The following ZNF10 variants were observed in gnomAD, a reference collection of about 807,000 sequenced individuals.
ZNF10 encodes the protein zinc finger protein 10, also known as zinc finger protein 10 (KOX 1).
ZNF10 carries 8 observed loss-of-function variants against 12.2 expected under a neutral mutation model. The ratio of observed to expected loss-of-function variants is 0.66; its 90% CI spans 0.39 to 1.18. ZNF10 has a LOEUF of 1.18. Among genes scored for constraint, ZNF10 ranks in the 50% most tolerant of loss-of-function variants. ZNF10 has a pLI of 0.01. For synonymous variants in ZNF10, 229 were observed against 228.2 expected (o/e 1.00, Z -0.03); for missense variants, 603 against 678.9 (o/e 0.89, Z 1.24).
In ZNF10 at chr12:133,151,108, G is replaced by T. The variant is rs769988898; in HGVS notation, c.114G>T (p.Val38=). ...TGCTGGACACTGCTCAGCAGATCGT[G>T]TACAGAAATGTGATGCTGGAGAACT... The part of the protein sequence containing the change: ...WKLLDTAQQI[V]YRNVMLENYK... Residue 38 remains valine, a synonymous_variant, in exon 3 of 5, where the codon GTG becomes GTT. Transcript: ENST00000248211. 5.6e-6 allele frequency: 9 copies of T among 1,613,670 alleles called. No individual in the cohort carries two copies. The East Asian group carries it at 6.7e-5, about 12-fold the overall frequency.
chr12:133,146,616 C>T (rs185795455), intron 2 of ZNF10, among the ~76,000 whole-genome samples: 97 of 152,150 alleles, frequency 6.4e-4, no homozygotes, highest in African/African-American at 2.3e-3. Flanking sequence ...GAGGCGGAGG[C>T]GGGTGGATCA....
Position 133,156,485 on chromosome 12 carries a change from T to G in ZNF10, c.1239T>G (p.Ser413=). Residue 413 remains serine, a synonymous_variant, in exon 5 of 5, where the codon TCT becomes TCG. Transcript: ENST00000248211. Reference sequence around the variant, plus strand: ...ATGAATGCAATGAATGTGGAAAGTCTTACAGCCAGAGATCTCACCTTGTTG... The same window carrying G: ...ATGAATGCAATGAATGTGGAAAGTCGTACAGCCAGAGATCTCACCTTGTTG... ...RPYECNECGK[S]YSQRSHLVVH... The G allele has an allele frequency of 6.2e-7, 1 of 1,613,986 alleles. No individual in the cohort carries two copies. The highest frequency in any genetic ancestry group is 1.3e-5 in the African/African-American group (1 of 75,044).
At chr12:133,144,771 CAG>C (rs1175498533) in intron 2 of ZNF10, 1 of 495,846 alleles carries the variant, frequency 2.0e-6, no homozygotes, top group East Asian at 4.0e-5. Context: ...GAAAATATGA[CAG>C]AATGGAATGA....
intron 4 of ZNF10, among the ~76,000 whole-genome samples, chr12:133,153,572 AT>A (rs1956021138): frequency 6.6e-6 from 1 of 152,102 alleles, no homozygotes; most frequent in Non-Finnish European, 1.5e-5. Flanking sequence ...AGGGTGGTGT[AT>A]TTCCTATTAA....
chr12:133,151,724 T>G, intron 3 of ZNF10, 85 bp from the exon 4 acceptor site: 1 of 973,566 alleles, frequency 1.0e-6, no homozygotes, highest in Non-Finnish European at 1.6e-6. Flanking sequence ...GGGTTGGTGG[T>G]CAGGTTGAAT....
intron 1 of ZNF10, among the ~76,000 whole-genome samples, chr12:133,136,696 T>A (rs1159378604): frequency 2.6e-5 from 4 of 152,216 alleles, no homozygotes; most frequent in Non-Finnish European, 5.9e-5. Flanking sequence ...ACAGGGTTGT[T>A]GATAGGAACA....
At chr12:133,145,510 C>T (rs190200586) in intron 2 of ZNF10, among the ~76,000 whole-genome samples, 1 of 152,090 alleles carries the variant, frequency 6.6e-6, no homozygotes, top group Non-Finnish European at 1.5e-5. Flanking sequence ...TTATCCAATC[C>T]AAAATTTAAG....
chr12:133,147,782 A>AT (rs767587711), intron 2 of ZNF10, among the ~76,000 whole-genome samples: 526 of 135,376 alleles, frequency 3.9e-3, no homozygotes, highest in African/African-American at 9.1e-3. Flanking sequence ...TGCCTGGCTA[A>AT]TTTTTTTTTT....
At chr12:133,149,709 T>G (rs539756354) in intron 2 of ZNF10, among the ~76,000 whole-genome samples, 1 of 152,132 alleles carries the variant, frequency 6.6e-6, no homozygotes, top group East Asian at 1.9e-4. Flanking sequence ...ATTGTTATGT[T>G]TAGACCATTT....
chr12:133,157,150 C>A lies in ZNF10; in HGVS notation c.*182C>A. On this transcript the variant is annotated 3_prime_UTR_variant, in exon 5 of 5. Coordinates refer to ENST00000248211, the MANE Select transcript of ZNF10 (RefSeq NM_015394.5). ...ACAGATTTTATTTCAGTACACAAAT[C>A]CATCAGATTTTCTTCTTTTCATGAA... 2.0e-6 allele frequency: 1 copy of A among 496,962 alleles called. No individual in the cohort carries two copies. Among genetic ancestry groups the A allele is most frequent in the Non-Finnish European group, 3.1e-6 (1 of 318,716 alleles). The allele number at this position is 496,962 out of a possible 1,614,324, so 30.8% of individuals were successfully genotyped here.
intron 1 of ZNF10, among the ~76,000 whole-genome samples, chr12:133,136,571 T>A: frequency 6.6e-6 from 1 of 152,214 alleles, no homozygotes; most frequent in Non-Finnish European, 1.5e-5. Flanking sequence ...TCCTACCGTT[T>A]ATTTTACTCT....
chr12:133,150,080 A>C (rs759497352), intron 2 of ZNF10, among the ~76,000 whole-genome samples: 1 of 152,134 alleles, frequency 6.6e-6, no homozygotes, highest in African/African-American at 2.4e-5. Flanking sequence ...CTTTCTTTCA[A>C]CTGTTCTGTA....
chr12:133,156,702 G>C lies in ZNF10; in HGVS notation c.1456G>C (p.Glu486Gln). Residue 486 changes from glutamate to glutamine, a missense_variant, in exon 5 of 5, where the codon GAG becomes CAG. This residue lies in a region of ZNF10 where 204 missense variants were observed against 262.8 expected (regional missense o/e 0.78). Transcript: ENST00000248211. ...TGTGCATCAGAGGATACACACTGGA[G>C]AGAAACCATATGAATGCTGTCAGTG... ...LIVHQRIHTG[E>Q]KPYECCQCGK... 1 of 1,613,862 alleles carries C rather than the reference G, an allele frequency of 6.2e-7. No individual in the cohort carries two copies. Among genetic ancestry groups the C allele is most frequent in the Non-Finnish European group, 8.5e-7 (1 of 1,179,920 alleles).
In ZNF10 at chr12:133,158,235, A is replaced by G. The variant is rs1480796336; in HGVS notation, c.*1267A>G. 6.6e-6 allele frequency: 1 copy of G among 152,188 alleles called. No individual in the cohort carries two copies. The highest frequency in any genetic ancestry group is 2.4e-5 in the African/African-American group (1 of 41,436). The allele number at this position is 152,188 out of a possible 1,614,324, so 9.4% of individuals were successfully genotyped here. A position where few individuals can be genotyped will look rare whatever the true frequency, so the allele number is the denominator to read the frequency against. On this transcript the variant is annotated 3_prime_UTR_variant, in exon 5 of 5. Coordinates refer to ENST00000248211, the MANE Select transcript of ZNF10 (RefSeq NM_015394.5). ...TGGAAACAGCTTAGAATAGTGCCTGACATATATTATGTTCTCTGTAGTTAC... is the reference window on the plus strand; with the variant it reads ...TGGAAACAGCTTAGAATAGTGCCTGGCATATATTATGTTCTCTGTAGTTAC...
rs374455901 is a variant in ZNF10 at position 133,144,713 on chromosome 12, A to G, written c.33+188A>G. Among the ~76,000 whole-genome samples the G allele has an allele frequency of 1.1e-4, 17 of 152,298 alleles. No homozygotes were observed. The East Asian group carries it at 1.2e-3, about 10-fold the overall frequency. ...TGGTCTTTCCCTCTCTTCTTTTATT[A>G]TAGAAATTTTCAAATATATACAAAA... On this transcript the variant is annotated intron_variant, in intron 2 of 4. Transcript: ENST00000248211.
Position 133,157,017 on chromosome 12 carries a change from A to C in ZNF10, c.*49A>C, listed in dbSNP as rs1956047137. The C allele has an allele frequency of 1.4e-6, 2 of 1,379,580 alleles. No homozygotes were observed. Among genetic ancestry groups the C allele is most frequent in the African/African-American group, 3.0e-5 (2 of 67,744 alleles). The allele number at this position is 1,379,580 out of a possible 1,614,324, so 85.5% of individuals were successfully genotyped here. A position where few individuals can be genotyped will look rare whatever the true frequency, so the allele number is the denominator to read the frequency against. On this transcript the variant is annotated 3_prime_UTR_variant, in exon 5 of 5. Transcript: ENST00000248211. ...GAGCAATGACTTTATTTTGCATTGG[A>C]GAACTCCTGGAGATAAGCTGTACAA...
rs776935778 is a variant in ZNF10 at position 133,155,623 on chromosome 12, TAGA to T, written c.383_385del (p.Glu128del). On this transcript the variant is annotated inframe_deletion, in exon 5 of 5. Coordinates refer to ENST00000248211, the MANE Select transcript of ZNF10 (RefSeq NM_015394.5). ...AGGAATGATCTCTGGTATTTGTCAT[TAGA>T]AGAAGTCTGGAAATGTAGAGACCAG... The T allele has an allele frequency of 1.9e-6, 3 of 1,614,062 alleles. No homozygotes were observed. The highest frequency in any genetic ancestry group is 2.5e-6 in the Non-Finnish European group (3 of 1,179,984).
chr12:133,134,144 CAA>C (rs35470467), intron 1 of ZNF10, among the ~76,000 whole-genome samples: 53 of 68,022 alleles, frequency 7.8e-4, no homozygotes, highest in African/African-American at 1.7e-3. Context: ...ACTAAAAATA[CAA>C]AAAAAAAAAA....
chr12:133,153,937 A>G (rs940160662), intron 4 of ZNF10, among the ~76,000 whole-genome samples: 1 of 152,056 alleles, frequency 6.6e-6, no homozygotes, highest in African/African-American at 2.4e-5. Context: ...CCATGTTCAC[A>G]TGGTCTCTTC....
Sources: allele counts gnomAD v4.1 joint callset (sites outside exome capture counted in the v4.1 genomes callset), GRCh38; gene constraint gnomAD v4.1.1; regional missense constraint gnomAD v4.1.1; transcripts MANE v1.5; gene names NCBI Gene and HGNC (gene_info 2026-07-23, HGNC 2026-07-21).